The following SIL1 variants were observed in gnomAD, a reference collection of about 807,000 sequenced individuals.
The protein encoded by SIL1 is nucleotide exchange factor SIL1.
SIL1 carries 40 observed loss-of-function variants against 49.1 expected under a neutral mutation model. That is an observed-to-expected ratio of 0.81 (90% CI 0.63 to 1.06). The LOEUF (loss-of-function observed/expected upper bound fraction) is 1.06. Among genes scored for constraint, SIL1 ranks in the 50% least tolerant of loss-of-function variants. The pLI is 0.00. For synonymous variants in SIL1, 253 were observed against 250.8 expected (o/e 1.01, Z -0.08); for missense variants, 500 against 572.6 (o/e 0.87, Z 1.29).
intron 1 of SIL1, among the ~76,000 whole-genome samples, chr5:139,170,476 G>A (rs574870430): frequency 6.6e-5 from 10 of 150,618 alleles, no homozygotes; most frequent in Non-Finnish European, 1.5e-4. Flanking sequence ...GTCTCTGCCC[G>A]GCCGCCCATC....
rs141277403 is a variant in SIL1, at chr5:139,189,238, C to T, written c.-11+9031G>A. ...AGGAGGTGAGCAGCAAGTGAGTGAG[C>T]AAAGCTTCATCTGTATTTACAGCTG... On this transcript the variant is annotated intron_variant, in intron 1 of 9. Transcript: ENST00000394817. Among the ~76,000 whole-genome samples the T allele has an allele frequency of 4.9e-3, 744 of 152,326 alleles. 7 individuals carry two copies. The highest frequency in any genetic ancestry group is 0.017 in the African/African-American group (710 of 41,554).
chr5:138,952,093 G>A (rs1426888784), intron 7 of SIL1, among the ~76,000 whole-genome samples: 1 of 152,254 alleles, frequency 6.6e-6, no homozygotes, highest in African/African-American at 2.4e-5. Flanking sequence ...TGACAGGGCT[G>A]AGTGCTCCCA....
intron 3 of SIL1, among the ~76,000 whole-genome samples, chr5:139,112,198 C>T (rs1013143100): frequency 6.6e-6 from 1 of 152,244 alleles, no homozygotes; most frequent in Non-Finnish European, 1.5e-5. Flanking sequence ...CTAGCTACAA[C>T]CTCCACCTCC....
chr5:139,108,471 C>T (rs117164423), intron 3 of SIL1, among the ~76,000 whole-genome samples: 2 of 152,172 alleles, frequency 1.3e-5, no homozygotes, highest in Non-Finnish European at 2.9e-5. Context: ...GTATTAGGAT[C>T]TTTGGGAAAG....
At chr5:139,197,478 C>G (rs1752300330) in intron 1 of SIL1, among the ~76,000 whole-genome samples, 1 of 152,110 alleles carries the variant, frequency 6.6e-6, no homozygotes, top group African/African-American at 2.4e-5. Flanking sequence ...TATTAGAAAA[C>G]TGATCTTACA....
At chr5:139,046,728 C>G (rs1006324677) in intron 4 of SIL1, among the ~76,000 whole-genome samples, 13 of 152,212 alleles carry the variant, frequency 8.5e-5, no homozygotes, top group African/African-American at 2.9e-4. Flanking sequence ...TCTAGTCAAG[C>G]TACATGGCTG....
At chr5:138,988,890 A>G (rs1328379492) in intron 7 of SIL1, among the ~76,000 whole-genome samples, 1 of 152,206 alleles carries the variant, frequency 6.6e-6, no homozygotes, top group Non-Finnish European at 1.5e-5. Context: ...AGCAAACAAA[A>G]TACTTATATA....
rs1767848500 is a variant in SIL1, at chr5:138,995,600, A to G, written c.767+25571T>C. On this transcript the variant is annotated intron_variant, in intron 7 of 9. Transcript: ENST00000394817. ...CATTCCAGTTATTTTGAAATATATT[A>G]TACAACAGATTATTGTAAACTATAG... is the stretch of plus-strand genomic sequence containing the variant. Among the ~76,000 whole-genome samples the G allele has an allele frequency of 2.6e-5, 4 of 152,344 alleles. No individual in the cohort carries two copies. In the South Asian group the frequency reaches 8.3e-4, roughly 32 times the overall value.
chr5:139,121,045 G>A lies in SIL1; in HGVS notation c.234C>T (p.Ala78=), dbSNP rs1400745951. The A allele has an allele frequency of 1.2e-6, 2 of 1,614,048 alleles. No homozygotes were observed. Among genetic ancestry groups the A allele is most frequent in the Admixed American group, 1.7e-5 (1 of 60,020 alleles). ...EVFHPTHEWQ[A]LQPGQAVPAG... ...GGCTGGGCCTGATACCTGGCTGAAG[G>A]GCCTGCCACTCATGCGTCGGGTGGA... The change falls in exon 3 of 10, where the codon GCC becomes GCT. Residue 78 remains alanine, a synonymous_variant. Transcript: ENST00000394817.
intron 3 of SIL1, among the ~76,000 whole-genome samples, chr5:139,058,209 T>C (rs1489812234): frequency 6.6e-6 from 1 of 152,074 alleles, no homozygotes; most frequent in Non-Finnish European, 1.5e-5. Flanking sequence ...ATGTACAGAA[T>C]AGGCAAATCC....
intron 3 of SIL1, among the ~76,000 whole-genome samples, chr5:139,101,897 C>G (rs564643769): frequency 6.6e-6 from 1 of 152,212 alleles, no homozygotes; most frequent in Admixed American, 6.5e-5. Flanking sequence ...ATCCAGGGAC[C>G]ACATAGAGAA....
chr5:139,111,476 C>T lies in SIL1; in HGVS notation c.244+9559G>A, dbSNP rs144876345. 2.5e-3 allele frequency among the ~76,000 whole-genome samples: 382 copies of T among 152,294 alleles called. 3 individuals are homozygous for T. Among genetic ancestry groups the T allele is most frequent in the Admixed American group, 9.2e-3 (141 of 15,300 alleles). On this transcript the variant is annotated intron_variant, in intron 3 of 9. Transcript: ENST00000394817. ...ACCTCTCTCCATCCAGCTCCAATGA[C>T]CCCACCTCAGGGAAGCCTTTCCTTC...
At chr5:138,984,380 C>T (rs1288180608) in intron 7 of SIL1, among the ~76,000 whole-genome samples, 1 of 143,652 alleles carries the variant, frequency 7.0e-6, no homozygotes, top group East Asian at 2.0e-4. Flanking sequence ...GACAGAGTCT[C>T]ACTCTGGAGA....
intron 3 of SIL1, among the ~76,000 whole-genome samples, chr5:139,084,138 G>A (rs1770155946): frequency 6.6e-6 from 1 of 151,816 alleles, no homozygotes; most frequent in African/African-American, 2.4e-5. Context: ...TTGTTCTTTT[G>A]GCTTAGGATT....
At chr5:139,027,088 G>C in intron 5 of SIL1, 96 bp from the exon 6 acceptor site, 1 of 1,113,562 alleles carries the variant, frequency 9.0e-7, no homozygotes, top group Admixed American at 1.9e-5. Flanking sequence ...AAAAACTGCT[G>C]CTCCAAGACT....
At chr5:138,973,474 T>C (rs992509866) in intron 7 of SIL1, among the ~76,000 whole-genome samples, 3 of 152,132 alleles carry the variant, frequency 2.0e-5, no homozygotes, top group African/African-American at 7.2e-5. Flanking sequence ...TTTTCTTTTT[T>C]CTTTTGAGAC....
At chr5:138,951,689 G>T in intron 8 of SIL1, 99 bp downstream of exon 8, 1 of 1,132,438 alleles carries the variant, frequency 8.8e-7, no homozygotes, top group Non-Finnish European at 1.3e-6. Flanking sequence ...TGATGCTCAG[G>T]CCCCCATGGT....
In SIL1 at chr5:139,112,386, G is replaced by A. The variant is rs577819972; in HGVS notation, c.244+8649C>T. Among the ~76,000 whole-genome samples, 303 of 150,700 alleles carry A rather than the reference G, an allele frequency of 2.0e-3. 1 individual carries two copies. Among genetic ancestry groups the A allele is most frequent in the Middle Eastern group, 0.01 (3 of 286 alleles). On this transcript the variant is annotated intron_variant, in intron 3 of 9. Coordinates refer to ENST00000394817, the MANE Select transcript of SIL1 (RefSeq NM_022464.5). The stretch of plus-strand genomic sequence containing the variant: ...AGCGCCTCTTCCCGGCTGCCATCCC[G>A]TCTAGGAAGTGAGGAGCGTCTCTGC...
intron 6 of SIL1, among the ~76,000 whole-genome samples, chr5:139,024,710 C>G (rs984468376): frequency 2.0e-5 from 3 of 152,204 alleles, no homozygotes; most frequent in African/African-American, 7.2e-5. Context: ...ACCAAGCCCC[C>G]CACCTGCAGT....
Sources: allele counts gnomAD v4.1 joint callset (sites outside exome capture counted in the v4.1 genomes callset), GRCh38; gene constraint gnomAD v4.1.1; transcripts MANE v1.5; gene names NCBI Gene and HGNC (gene_info 2026-07-23, HGNC 2026-07-21).